AGO1: variants seen among roughly 807,000 people sequenced by gnomAD.
AGO1 encodes protein argonaute-1.
A neutral mutation model predicts 109.2 loss-of-function variants in AGO1; 11 were observed. The ratio of observed to expected loss-of-function variants is 0.10; its 90% CI spans 0.06 to 0.17. The LOEUF (loss-of-function observed/expected upper bound fraction) is 0.17, where lower values mean the gene tolerates loss of function less well. AGO1 is among the 10% of genes least tolerant of loss of function. AGO1 has a pLI of 1.00. For missense variants in AGO1, 574 were observed against 1,140.3 expected, an observed-to-expected ratio of 0.50 and a Z score of 7.15; for synonymous variants, 422 against 418.6, an observed-to-expected ratio of 1.01 and a Z score of -0.10.
chr1:35,891,112 C>T (rs1291276851), intron 2 of AGO1, among the ~76,000 whole-genome samples: 1 of 152,116 alleles, frequency 6.6e-6, no homozygotes, highest in African/African-American at 2.4e-5. Context: ...ACATAGTCTA[C>T]ATAGTGTAGG....
At chr1:35,892,255 C>T (rs1026440580) in intron 2 of AGO1, among the ~76,000 whole-genome samples, 1 of 152,158 alleles carries the variant, frequency 6.6e-6, no homozygotes, top group Non-Finnish European at 1.5e-5. Context: ...TCTCAGAAGG[C>T]ACTCACACCA....
chr1:35,907,278 A>G (rs1417858136), intron 12 of AGO1, among the ~76,000 whole-genome samples, 159 bp downstream of exon 12: 3 of 152,060 alleles, frequency 2.0e-5, no homozygotes, highest in African/African-American at 4.8e-5. Flanking sequence ...TGCCTGAGCC[A>G]TTGAGTTATC....
chr1:35,891,060 C>T (rs912636405), intron 2 of AGO1, among the ~76,000 whole-genome samples: 4 of 152,140 alleles, frequency 2.6e-5, no homozygotes, highest in African/African-American at 9.7e-5. Flanking sequence ...TGGTAGGAGA[C>T]AAGTACGGGG....
At position 35,883,470 on chromosome 1, in the gene AGO1, CG is replaced by C. The variant is rs1557600774; in HGVS notation, c.25+26del. 3 of 1,551,668 alleles carry C rather than the reference CG, an allele frequency of 1.9e-6. No individual in the cohort carries two copies. Among genetic ancestry groups the C allele is most frequent in the Middle Eastern group, 3.4e-4 (2 of 5,846 alleles). The stretch of plus-strand genomic sequence containing the variant: ...AGGTAAGGGTCCCCAGGAGGGGGAA[CG>C]GTGCATGCTCCAAGGACTGGGGGAT... On this transcript the variant is annotated intron_variant, in intron 1 of 18. Coordinates refer to ENST00000373204, the MANE Select transcript of AGO1 (RefSeq NM_012199.5). The surrounding 1 kb of genome is among the most constrained non-coding windows in gnomAD (Gnocchi z 5.4).
chr1:35,880,974 A>C (rs1645030325), upstream of AGO1, among the ~76,000 whole-genome samples: 1 of 152,052 alleles, frequency 6.6e-6, no homozygotes, highest in African/African-American at 2.4e-5. Context: ...AAGTGTTTTT[A>C]TGTATTAACT....
chr1:35,893,244 C>T lies in AGO1; in HGVS notation c.478C>T (p.Leu160=). ...TGTTCCCTTGGAGTCTGTGCAAGCC[C>T]TGGATGTGGCCATGAGGCACCTGGC... ...IPVPLESVQA[L]DVAMRHLASM... Residue 160 remains leucine, a synonymous_variant, in exon 4 of 19, where the codon CTG becomes TTG. Coordinates refer to ENST00000373204, the MANE Select transcript of AGO1 (RefSeq NM_012199.5). This position sits in a 1 kb window ranked among gnomAD's most constrained non-coding sequence, Gnocchi z 5.6. The T allele has an allele frequency of 1.2e-6, 2 of 1,614,026 alleles. No homozygotes were observed. Among genetic ancestry groups the T allele is most frequent in the Admixed American group, 1.7e-5 (1 of 60,002 alleles).
In AGO1 at chr1:35,919,410, A is replaced by G; in HGVS notation, c.2466-89A>G. ...GGTTGGGTTTCTCTCTTAAGTTGGTATGGGAATTGGCATCCCAGGGCTGGG... is the reference window on the plus strand; with the variant it reads ...GGTTGGGTTTCTCTCTTAAGTTGGTGTGGGAATTGGCATCCCAGGGCTGGG... On this transcript the variant is annotated intron_variant, in intron 18 of 18. Coordinates refer to ENST00000373204, the MANE Select transcript of AGO1 (RefSeq NM_012199.5). The surrounding 1 kb of genome is among the most constrained non-coding windows in gnomAD (Gnocchi z 6.6). 1 of 1,473,848 alleles carries G rather than the reference A, an allele frequency of 6.8e-7. No individual in the cohort carries two copies. The allele number at this position is 1,473,848 out of a possible 1,614,324, so 91.3% of individuals were successfully genotyped here.
rs201712801 is a variant in AGO1 at position 35,917,761 on chromosome 1, T to C, written c.2163+34T>C. On this transcript the variant is annotated intron_variant, in intron 16 of 18. Coordinates refer to ENST00000373204, the MANE Select transcript of AGO1 (RefSeq NM_012199.5). ...GGGACTGAGGCCTCCCATCCCCTCC[T>C]TCTGTCTCCCTTATCTTAATAGAGA... The C allele has an allele frequency of 4.2e-4, 666 of 1,603,024 alleles. 5 individuals are homozygous for C. The highest frequency in any genetic ancestry group is 3.7e-4 in the Admixed American group (22 of 59,698).
intron 8 of AGO1, among the ~76,000 whole-genome samples, 189 bp downstream of exon 8, chr1:35,895,458 A>G (rs146569554): frequency 3.0e-4 from 46 of 152,218 alleles, no homozygotes; most frequent in African/African-American, 1.1e-3. Context: ...TCCTACTCTC[A>G]TGTTCTTTCA....
rs1352880263 is a variant in AGO1 at position 35,928,026 on chromosome 1, C to CT, written c.*8420dup. On this transcript the variant is annotated 3_prime_UTR_variant, in exon 19 of 19. Coordinates refer to ENST00000373204, the MANE Select transcript of AGO1 (RefSeq NM_012199.5). ...CTCCTCATCCAGTGATGTTTCTTGT[C>CT]TAACACAAGAAGCCTAGGAGTAGAA... 6.6e-6 allele frequency: 1 copy of CT among 152,186 alleles called. No homozygotes were observed. Among genetic ancestry groups the CT allele is most frequent in the Non-Finnish European group, 1.5e-5 (1 of 68,056 alleles). 9.4% of individuals were successfully genotyped at this position (152,186 alleles called of 1,614,324 possible). A position where few individuals can be genotyped will look rare whatever the true frequency, so the allele number is the denominator to read the frequency against.
At chr1:35,885,869 C>T (rs1038751733) in intron 1 of AGO1, among the ~76,000 whole-genome samples, 5 of 152,234 alleles carry the variant, frequency 3.3e-5, no homozygotes, top group South Asian at 4.1e-4. Flanking sequence ...TGGTTAAGCA[C>T]GTATGTGGAT....
rs1255732625 is a variant in AGO1 at position 35,891,414 on chromosome 1, A to AT, written c.210-1138dup. Among the ~76,000 whole-genome samples the AT allele has an allele frequency of 9.9e-5, 15 of 151,766 alleles. No individual in the cohort carries two copies. The East Asian group carries it at 1.2e-3, about 12-fold the overall frequency. Reference sequence around the variant, plus strand: ...GCTTCAGAGAGATGGAAGAGATGAGATTTTTCTTCCACAGTTTATTCTTAT... The same window carrying AT: ...GCTTCAGAGAGATGGAAGAGATGAGATTTTTTCTTCCACAGTTTATTCTTAT... On this transcript the variant is annotated intron_variant, in intron 2 of 18. Transcript: ENST00000373204.
At position 35,897,116 on chromosome 1, in the gene AGO1, C is replaced by G. The variant is rs114641337; in HGVS notation, c.1020+1847C>G. Among the ~76,000 whole-genome samples the G allele has an allele frequency of 2.4e-3, 366 of 152,240 alleles. 1 individual carries two copies. Among genetic ancestry groups the G allele is most frequent in the Admixed American group, 5.0e-3 (77 of 15,292 alleles). Reference sequence around the variant, plus strand: ...AAGGTCCCAGCTGTTATGGAGCTTACATTCTAGAAGGGGGAGATAGACAAT... The same window carrying G: ...AAGGTCCCAGCTGTTATGGAGCTTAGATTCTAGAAGGGGGAGATAGACAAT... On this transcript the variant is annotated intron_variant, in intron 8 of 18. Coordinates refer to ENST00000373204, the MANE Select transcript of AGO1 (RefSeq NM_012199.5).
intron 15 of AGO1, among the ~76,000 whole-genome samples, chr1:35,916,427 G>A (rs1645737051): frequency 6.6e-6 from 1 of 152,076 alleles, no homozygotes; most frequent in South Asian, 2.1e-4. Flanking sequence ...GAGCGCAGTG[G>A]TGTGATCTTA....
Position 35,892,420 on chromosome 1 carries a change from G to T in AGO1, c.210-137G>T, listed in dbSNP as rs552295557. On this transcript the variant is annotated intron_variant, in intron 2 of 18. Coordinates refer to ENST00000373204, the MANE Select transcript of AGO1 (RefSeq NM_012199.5). ...CCAGGTGATTCATAGGAATATTAAA[G>T]TTTGAGAAGCACTGTCATAGAGTAG... is the stretch of plus-strand genomic sequence containing the variant. 4 of 1,146,948 alleles carry T rather than the reference G, an allele frequency of 3.5e-6. No individual in the cohort carries two copies. The East Asian group carries it at 9.5e-5, about 27-fold the overall frequency. The allele number at this position is 1,146,948 out of a possible 1,614,324, so 71.0% of individuals were successfully genotyped here. A position where few individuals can be genotyped will look rare whatever the true frequency, so the allele number is the denominator to read the frequency against.
At chr1:35,909,905 T>C (rs1645602526) in intron 12 of AGO1, among the ~76,000 whole-genome samples, 3 of 151,998 alleles carry the variant, frequency 2.0e-5, no homozygotes, top group Admixed American at 2.0e-4. Flanking sequence ...CTGATTTCCC[T>C]CCATTAAAGG....
At chr1:35,907,249 T>C (rs2148719055) in intron 12 of AGO1, 130 bp downstream of exon 12, 1 of 805,718 alleles carries the variant, frequency 1.2e-6, no homozygotes, top group South Asian at 2.7e-5. Context: ...TCAGTGCTCC[T>C]CTTATAGGAG....
chr1:35,889,815 C>T (rs962463221), intron 2 of AGO1, among the ~76,000 whole-genome samples: 6 of 151,850 alleles, frequency 4.0e-5, no homozygotes, highest in African/African-American at 9.7e-5. Context: ...GACAGGCAAA[C>T]GATTCTCCTG....
intron 12 of AGO1, among the ~76,000 whole-genome samples, chr1:35,912,482 T>C (rs1448844128): frequency 7.1e-4 from 108 of 152,244 alleles, no homozygotes; most frequent in Middle Eastern, 3.4e-3. Context: ...CCCATTTGCT[T>C]AGTTGATATC....
Sources: allele counts gnomAD v4.1 joint callset (sites outside exome capture counted in the v4.1 genomes callset), GRCh38; gene constraint gnomAD v4.1.1; non-coding constraint Gnocchi (gnomAD v3.1); transcripts MANE v1.5; gene names NCBI Gene and HGNC (gene_info 2026-07-23, HGNC 2026-07-21).